LDLRAD4: variants seen among roughly 807,000 people sequenced by gnomAD.
The protein encoded by LDLRAD4 is low-density lipoprotein receptor class A domain-containing protein 4.
LDLRAD4 carries 5 observed loss-of-function variants against 17.0 expected under a neutral mutation model. The observed-to-expected ratio is 0.29, with a 90% CI of 0.15 to 0.62. The LOEUF (loss-of-function observed/expected upper bound fraction) is 0.62. Among genes scored for constraint, LDLRAD4 ranks in the 20% least tolerant of loss-of-function variants. The pLI is 0.84. For synonymous variants in LDLRAD4, 168 were observed against 171.8 expected (o/e 0.98, Z 0.17); for missense variants, 340 against 424.7 (o/e 0.80, Z 1.75).
intron 2 of LDLRAD4, among the ~76,000 whole-genome samples, chr18:13,436,457 C>A (rs971102205): frequency 6.6e-6 from 1 of 152,160 alleles, no homozygotes; most frequent in Non-Finnish European, 1.5e-5. Context: ...CCTTTCAAAC[C>A]ACAGCAATGG....
At chr18:13,417,533 C>T (rs938434312) in intron 2 of LDLRAD4, among the ~76,000 whole-genome samples, 6 of 151,506 alleles carry the variant, frequency 4.0e-5, no homozygotes, top group African/African-American at 9.7e-5. Context: ...CCCGGGTTCA[C>T]GCCATTCTCC....
intron 2 of LDLRAD4, chr18:13,420,774 G>C (rs2089371149): frequency 6.6e-6 from 1 of 152,238 alleles, no homozygotes; most frequent in African/African-American, 2.4e-5. Flanking sequence ...CCTGCTTCCT[G>C]GGCTTCACAG....
intron 3 of LDLRAD4, among the ~76,000 whole-genome samples, chr18:13,469,529 G>A (rs1444088938): frequency 6.6e-6 from 1 of 152,228 alleles, no homozygotes; most frequent in African/African-American, 2.4e-5. Context: ...GTATATACAC[G>A]TGATGAAATA....
chr18:13,595,499 C>CT (rs897495732), intron 3 of LDLRAD4, among the ~76,000 whole-genome samples: 2 of 151,818 alleles, frequency 1.3e-5, no homozygotes, highest in Non-Finnish European at 2.9e-5. Flanking sequence ...ATGGGTTGTT[C>CT]TTTTTTTGTT....
chr18:13,594,103 C>T (rs1785199), intron 3 of LDLRAD4, among the ~76,000 whole-genome samples: 60,342 of 151,994 alleles, frequency 0.4, 11,993 homozygotes, highest in Non-Finnish European at 0.42. Flanking sequence ...CTTGGGGTCC[C>T]GGAGAGCTCA....
chr18:13,490,941 G>A (rs192411385), intron 3 of LDLRAD4, among the ~76,000 whole-genome samples: 1 of 152,164 alleles, frequency 6.6e-6, no homozygotes, highest in Non-Finnish European at 1.5e-5. Context: ...ACGATATTCT[G>A]TATCTCCAGC....
At chr18:13,321,861 C>CTAAAAA (rs2081242029) in intron 1 of LDLRAD4, among the ~76,000 whole-genome samples, 1 of 62,140 alleles carries the variant, frequency 1.6e-5, no homozygotes, top group African/African-American at 6.4e-5. Context: ...GACTCCGTCT[C>CTAAAAA]AAAAAAAAAA....
At chr18:13,375,828 G>A (rs1346093921) in intron 1 of LDLRAD4, among the ~76,000 whole-genome samples, 1 of 152,116 alleles carries the variant, frequency 6.6e-6, no homozygotes, top group Non-Finnish European at 1.5e-5. Context: ...CCTCCCGCCC[G>A]CCAGCGCCTT....
chr18:13,375,591 A>G (rs1334456773), intron 1 of LDLRAD4, among the ~76,000 whole-genome samples: 3 of 152,202 alleles, frequency 2.0e-5, no homozygotes, highest in African/African-American at 7.2e-5. Context: ...GACAAAGTAA[A>G]GTGATGCTGA....
chr18:13,534,918 A>G (rs2094181774), intron 3 of LDLRAD4, among the ~76,000 whole-genome samples: 1 of 152,204 alleles, frequency 6.6e-6, no homozygotes, highest in South Asian at 2.1e-4. Context: ...AGTACAGTAG[A>G]AACATGCATT....
At position 13,297,279 on chromosome 18, in the gene LDLRAD4, G is replaced by A. The variant is rs374732648; in HGVS notation, c.-383+19091G>A. ...AAGGGACTTTGCCACTGAGGCCCGA[G>A]GTGGGGATCATAGCACCGTTTGGTG... On this transcript the variant is annotated intron_variant, in intron 1 of 5. Coordinates refer to ENST00000359446, the Ensembl canonical transcript of LDLRAD4. 5.3e-5 allele frequency among the ~76,000 whole-genome samples: 8 copies of A among 152,302 alleles called. No individual in the cohort carries two copies. In the East Asian group the frequency reaches 1.3e-3, roughly 26 times the overall value.
intron 3 of LDLRAD4, among the ~76,000 whole-genome samples, chr18:13,477,436 C>T (rs535398015): frequency 6.6e-6 from 1 of 152,178 alleles, no homozygotes; most frequent in African/African-American, 2.4e-5. Context: ...GAAGAGCCCT[C>T]CCACCTGCCT....
chr18:13,222,555 G>A (rs1325029500), intron 1 of LDLRAD4, among the ~76,000 whole-genome samples: 4 of 152,220 alleles, frequency 2.6e-5, no homozygotes, highest in African/African-American at 9.6e-5. Flanking sequence ...CACTGCAAAC[G>A]CACTCTGCAG....
chr18:13,317,719 A>G (rs1317556689), intron 1 of LDLRAD4, among the ~76,000 whole-genome samples: 1 of 152,234 alleles, frequency 6.6e-6, no homozygotes, highest in Non-Finnish European at 1.5e-5. Flanking sequence ...AAAAATGTGT[A>G]TGTTTATATT....
At chr18:13,348,094 G>T (rs1379632184) in intron 1 of LDLRAD4, among the ~76,000 whole-genome samples, 2 of 152,204 alleles carry the variant, frequency 1.3e-5, no homozygotes, top group Non-Finnish European at 2.9e-5. Context: ...TCTCTGTCCA[G>T]CTTTGTTGCG....
At chr18:13,227,012 T>C (rs2041845992) in intron 1 of LDLRAD4, among the ~76,000 whole-genome samples, 2 of 152,102 alleles carry the variant, frequency 1.3e-5, no homozygotes, top group African/African-American at 2.4e-5. Context: ...ATGATCCCTA[T>C]TGGACCTCAC....
At chr18:13,613,373 GT>G (rs562740849) in intron 3 of LDLRAD4, 8 of 152,146 alleles carry the variant, frequency 5.3e-5, no homozygotes, top group Middle Eastern at 3.4e-3. Flanking sequence ...GTGCAGCTGT[GT>G]TTTTTTTCTG....
intron 1 of LDLRAD4, among the ~76,000 whole-genome samples, chr18:13,361,561 G>A (rs547774310): frequency 2.0e-5 from 3 of 152,306 alleles, no homozygotes; most frequent in African/African-American, 7.2e-5. Context: ...CCATCTGCTG[G>A]AAGATGAGGA....
At chr18:13,450,558 G>C (rs2091768221) in intron 3 of LDLRAD4, among the ~76,000 whole-genome samples, 1 of 152,226 alleles carries the variant, frequency 6.6e-6, no homozygotes, top group African/African-American at 2.4e-5. Context: ...TGCGTGAGAG[G>C]CATGGGCTGG....
Sources: allele counts gnomAD v4.1 joint callset (sites outside exome capture counted in the v4.1 genomes callset), GRCh38; gene constraint gnomAD v4.1.1; transcripts MANE v1.5; gene names NCBI Gene and HGNC (gene_info 2026-07-23, HGNC 2026-07-21).